FBXW11: variants seen among roughly 807,000 people sequenced by gnomAD.
FBXW11 encodes F-box/WD repeat-containing protein 11.
In FBXW11, 19 loss-of-function variants were observed where a neutral mutation model predicts 77.6. That is an observed-to-expected ratio of 0.24 (90% CI 0.17 to 0.36). FBXW11 has a LOEUF of 0.36. FBXW11 is among the 10% of genes least tolerant of loss of function. The pLI is 1.00. For missense variants in FBXW11, 334 were observed against 704.2 expected, an observed-to-expected ratio of 0.47 and a Z score of 5.95; for synonymous variants, 235 against 249.4, an observed-to-expected ratio of 0.94 and a Z score of 0.54.
chr5:172,001,419 A>C (rs780645713), intron 1 of FBXW11, among the ~76,000 whole-genome samples: 11 of 152,208 alleles, frequency 7.2e-5, no homozygotes, highest in Non-Finnish European at 1.0e-4. Context: ...AAAAGGCAAT[A>C]ATGTCTGAAA....
At position 171,869,955 on chromosome 5, in the gene FBXW11, C is replaced by A; in HGVS notation, c.1452-148G>T. On this transcript the variant is annotated intron_variant, in intron 11 of 13. Coordinates refer to ENST00000517395, the MANE Select transcript of FBXW11 (RefSeq NM_001378974.1). This position sits in a 1 kb window ranked among gnomAD's most constrained non-coding sequence, Gnocchi z 4.1. ...TTATGTTTTTACAAATCATCTGAAC[C>A]AATTACACTTGATTTTGGAAAAATT... 2.2e-6 allele frequency: 1 copy of A among 454,472 alleles called. No homozygotes were observed. The highest frequency in any genetic ancestry group is 2.1e-5 in the African/African-American group (1 of 48,678). 28.2% of individuals were successfully genotyped at this position (454,472 alleles called of 1,614,324 possible).
At chr5:171,926,507 G>T (rs376490696) in intron 2 of FBXW11, among the ~76,000 whole-genome samples, 1 of 152,134 alleles carries the variant, frequency 6.6e-6, no homozygotes, top group East Asian at 1.9e-4. Context: ...CAACCCCCTT[G>T]GTGCTGTCGT....
intron 6 of FBXW11, among the ~76,000 whole-genome samples, chr5:171,894,656 T>G (rs534920613): frequency 6.7e-6 from 1 of 150,006 alleles, no homozygotes; most frequent in African/African-American, 2.4e-5. Flanking sequence ...TCTGACAACC[T>G]TGACTCTTAC....
At chr5:171,918,021 A>G (rs114076509) in intron 2 of FBXW11, among the ~76,000 whole-genome samples, 149 of 152,170 alleles carry the variant, frequency 9.8e-4, no homozygotes, top group African/African-American at 3.5e-3. Context: ...ACACTGGACT[A>G]GAGCAACAGC....
chr5:171,898,331 ACC>A (rs1293857748), intron 6 of FBXW11, among the ~76,000 whole-genome samples: 1 of 152,190 alleles, frequency 6.6e-6, no homozygotes, highest in Admixed American at 6.5e-5. Flanking sequence ...AGTAACCAAG[ACC>A]TGCCAAGAAC....
chr5:171,891,173 A>G (rs1363128370), intron 7 of FBXW11, among the ~76,000 whole-genome samples: 1 of 152,206 alleles, frequency 6.6e-6, no homozygotes, highest in African/African-American at 2.4e-5. Flanking sequence ...TACCAATACC[A>G]GCTGGCAAAG....
intron 1 of FBXW11, among the ~76,000 whole-genome samples, chr5:172,002,696 C>CTTTTTTTT (rs34300477): frequency 4.4e-4 from 43 of 97,048 alleles, no homozygotes; most frequent in African/African-American, 1.1e-3. Context: ...TTTTTCTTTT[C>CTTTTTTTT]TTTTTTTTTT....
At position 171,869,699 on chromosome 5, in the gene FBXW11, A is replaced by G. The variant is rs867783413; in HGVS notation, c.1530+30T>C. 1 of 1,574,724 alleles carries G rather than the reference A, an allele frequency of 6.4e-7. No homozygotes were observed. Among genetic ancestry groups the G allele is most frequent in the Non-Finnish European group, 8.7e-7 (1 of 1,153,844 alleles). The stretch of plus-strand genomic sequence containing the variant: ...CAAATGGTCATCCTCCAGCACAGGG[A>G]ACCAATTCCCGTCTCAAGAGATCAC... On this transcript the variant is annotated intron_variant, in intron 12 of 13. Transcript: ENST00000517395. This position sits in a 1 kb window ranked among gnomAD's most constrained non-coding sequence, Gnocchi z 4.1.
At position 171,988,994 on chromosome 5, in the gene FBXW11, T is replaced by C. The variant is rs547455275; in HGVS notation, c.45+17464A>G. On this transcript the variant is annotated intron_variant, in intron 1 of 13. Transcript: ENST00000517395. Reference sequence around the variant, plus strand: ...GAGTTCAAGACCAGCCTGGCCAACATGGCAAAACCCTGTCTCTACTAAAAA... The same window carrying C: ...GAGTTCAAGACCAGCCTGGCCAACACGGCAAAACCCTGTCTCTACTAAAAA... 4.1e-4 allele frequency among the ~76,000 whole-genome samples: 63 copies of C among 152,188 alleles called. 3 individuals carry two copies. In the South Asian group the frequency reaches 0.011, roughly 27 times the overall value.
At chr5:171,894,107 C>T (rs1264683048) in intron 6 of FBXW11, among the ~76,000 whole-genome samples, 2 of 152,142 alleles carry the variant, frequency 1.3e-5, no homozygotes, top group African/African-American at 4.8e-5. Context: ...GAAGACGCAG[C>T]AGAGAAGACT....
chr5:171,885,645 T>C (rs1758828829), intron 7 of FBXW11, among the ~76,000 whole-genome samples: 1 of 152,204 alleles, frequency 6.6e-6, no homozygotes, highest in African/African-American at 2.4e-5. Flanking sequence ...TTTCCAGTGT[T>C]CCCAAGTTAA....
chr5:171,966,221 G>C (rs1009506296), intron 1 of FBXW11, among the ~76,000 whole-genome samples: 1 of 152,130 alleles, frequency 6.6e-6, no homozygotes, highest in Non-Finnish European at 1.5e-5. Flanking sequence ...TTAATTTTGA[G>C]TCCATCTTAA....
At chr5:171,998,025 T>C (rs902154510) in intron 1 of FBXW11, among the ~76,000 whole-genome samples, 1 of 152,136 alleles carries the variant, frequency 6.6e-6, no homozygotes, top group African/African-American at 2.4e-5. Context: ...AAGTAACCTA[T>C]CCAAAGTCCC....
At chr5:171,923,199 C>T (rs1209727976) in intron 2 of FBXW11, among the ~76,000 whole-genome samples, 11 of 152,304 alleles carry the variant, frequency 7.2e-5, no homozygotes, top group Admixed American at 5.2e-4. Flanking sequence ...CAGGCTGAGT[C>T]ACCACACCCA....
At chr5:171,909,100 T>C (rs761045029) in intron 4 of FBXW11, among the ~76,000 whole-genome samples, 1 of 152,156 alleles carries the variant, frequency 6.6e-6, no homozygotes, top group Non-Finnish European at 1.5e-5. Flanking sequence ...CAAATTTAAA[T>C]TGAGAATTTT....
At chr5:171,933,146 A>G (rs558830799) in intron 2 of FBXW11, among the ~76,000 whole-genome samples, 55 of 150,472 alleles carry the variant, frequency 3.7e-4, no homozygotes, top group African/African-American at 1.2e-3. Context: ...AAAAAAAAAA[A>G]AAAAAAAAGT....
At chr5:171,998,986 A>G (rs1349839335) in intron 1 of FBXW11, among the ~76,000 whole-genome samples, 2 of 152,142 alleles carry the variant, frequency 1.3e-5, no homozygotes, top group Non-Finnish European at 2.9e-5. Flanking sequence ...CTGATTGTTC[A>G]TATTGTAGGT....
At chr5:171,977,969 C>T (rs1764929993) in intron 1 of FBXW11, among the ~76,000 whole-genome samples, 1 of 152,066 alleles carries the variant, frequency 6.6e-6, no homozygotes, top group South Asian at 2.1e-4. Flanking sequence ...CTGACTGCTG[C>T]TAGAGCATGA....
rs10062728 is a variant in FBXW11, at chr5:171,869,099, C to A, written c.1531-303G>T. On this transcript the variant is annotated intron_variant, in intron 12 of 13. Transcript: ENST00000517395. The surrounding 1 kb of genome is among the most constrained non-coding windows in gnomAD (Gnocchi z 4.1). ...ACATAATACCCATTCTTGATACACT[C>A]TAAAAATCCACTGGAAAACCTAGAA... is the stretch of plus-strand genomic sequence containing the variant. Among the ~76,000 whole-genome samples, 2,757 of 152,240 alleles carry A rather than the reference C, an allele frequency of 0.018. 90 individuals carry two copies. Among genetic ancestry groups the A allele is most frequent in the African/African-American group, 0.064 (2,650 of 41,526 alleles).
Sources: gnomAD v4.1 joint callset for allele counts (sites outside exome capture counted in the v4.1 genomes callset) on GRCh38, gnomAD v4.1.1 for gene constraint, Gnocchi (gnomAD v3.1) non-coding constraint, MANE v1.5 for transcripts, NCBI Gene and HGNC (gene_info 2026-07-23, HGNC 2026-07-21) for gene names.